The following BTBD10 variants were observed in gnomAD, a reference collection of about 807,000 sequenced individuals.
BTBD10 encodes BTB/POZ domain-containing protein 10.
Under a neutral mutation model 53.2 loss-of-function variants are expected in BTBD10, and 21 were observed. The observed-to-expected ratio is 0.39, with a 90% CI of 0.28 to 0.57. The LOEUF is 0.57. Among genes scored for constraint, BTBD10 ranks in the 20% least tolerant of loss-of-function variants. The probability of loss-of-function intolerance (pLI) is 0.53; values close to 1 mark genes in which losing one functional copy is unlikely to be tolerated. For missense variants in BTBD10, 360 were observed against 594.7 expected (o/e 0.61, Z 4.10); for synonymous variants, 149 against 192.7 (o/e 0.77, Z 1.88).
intron 2 of BTBD10, among the ~76,000 whole-genome samples, chr11:13,425,512 TAC>T (rs1950318567): frequency 6.6e-6 from 1 of 151,746 alleles, no homozygotes. Context: ...AACTGACACA[TAC>T]GTTAGAATGA....
intron 6 of BTBD10, among the ~76,000 whole-genome samples, chr11:13,406,633 GTGTGT>G (rs1430754202): frequency 6.7e-6 from 1 of 150,358 alleles, no homozygotes; most frequent in Non-Finnish European, 1.5e-5. Context: ...GTGTGTGTGT[GTGTGT>G]GTTTGTGTGT....
intron 1 of BTBD10, 29 bp from the exon 2 acceptor site, chr11:13,445,210 A>T: frequency 1.2e-6 from 1 of 846,626 alleles, no homozygotes; most frequent in East Asian, 2.5e-5. Context: ...TTGACCTTTA[A>T]ATCTATTCCA....
chr11:13,460,698 G>A (rs1363746565), intron 1 of BTBD10, among the ~76,000 whole-genome samples: 2 of 152,130 alleles, frequency 1.3e-5, no homozygotes, highest in Non-Finnish European at 2.9e-5. Context: ...TTTCCATCCT[G>A]TTGCCAAACC....
Position 13,426,958 on chromosome 11 carries a change from G to T in BTBD10, c.102-5120C>A, listed in dbSNP as rs181365755. ...AAACCATAAAAGGTGAAGATTATCA[G>T]ATTGGATATAAAAGCTAGATCCCCA... On this transcript the variant is annotated intron_variant, in intron 2 of 8. Coordinates refer to ENST00000278174, the MANE Select transcript of BTBD10 (RefSeq NM_032320.7). 5.3e-5 allele frequency among the ~76,000 whole-genome samples: 8 copies of T among 152,260 alleles called. No individual in the cohort carries two copies. The East Asian group carries it at 1.5e-3, about 29-fold the overall frequency.
chr11:13,419,407 G>T, intron 4 of BTBD10, 53 bp downstream of exon 4: 1 of 1,563,280 alleles, frequency 6.4e-7, no homozygotes. Flanking sequence ...AAAAAATAAT[G>T]GCAGTAAAAG....
At chr11:13,407,617 T>C (rs143077419) in intron 6 of BTBD10, among the ~76,000 whole-genome samples, 14 of 152,330 alleles carry the variant, frequency 9.2e-5, no homozygotes, top group African/African-American at 3.1e-4. Flanking sequence ...TTGAATTGTG[T>C]TATTTCCTTC....
chr11:13,450,956 T>C (rs1950845243), intron 1 of BTBD10, among the ~76,000 whole-genome samples: 1 of 152,210 alleles, frequency 6.6e-6, no homozygotes, highest in Non-Finnish European at 1.5e-5. Context: ...GAGTTCAGTT[T>C]GAAGTTTTTT....
At chr11:13,424,036 G>T in intron 2 of BTBD10, among the ~76,000 whole-genome samples, 1 of 152,092 alleles carries the variant, frequency 6.6e-6, no homozygotes. Flanking sequence ...ATTAGAGTAG[G>T]AATACTGGAA....
intron 1 of BTBD10, among the ~76,000 whole-genome samples, chr11:13,451,166 C>T (rs577008034): frequency 2.3e-4 from 35 of 152,136 alleles, no homozygotes; most frequent in African/African-American, 8.0e-4. Flanking sequence ...TACACATGTA[C>T]GGGAGGTAGG....
chr11:13,447,772 C>T (rs1006517653), intron 1 of BTBD10, among the ~76,000 whole-genome samples: 2 of 152,014 alleles, frequency 1.3e-5, no homozygotes, highest in African/African-American at 4.8e-5. Flanking sequence ...TTAGGTATTA[C>T]CACATGAAAG....
Position 13,456,772 on chromosome 11 carries a change from A to G in BTBD10, c.-58+6320T>C, listed in dbSNP as rs192332980. 3.3e-5 allele frequency among the ~76,000 whole-genome samples: 5 copies of G among 152,326 alleles called. No homozygotes were observed. The East Asian group carries it at 9.7e-4, about 29-fold the overall frequency. On this transcript the variant is annotated intron_variant, in intron 1 of 8. Coordinates refer to ENST00000278174, the MANE Select transcript of BTBD10 (RefSeq NM_032320.7). ...AAATATGTTCAACCTCACTCATAAA[A>G]GAAATGCAAATTAACACCTCCAATT...
At chr11:13,403,735 T>C (rs1254293529) in intron 7 of BTBD10, among the ~76,000 whole-genome samples, 3 of 152,186 alleles carry the variant, frequency 2.0e-5, no homozygotes, top group Non-Finnish European at 4.4e-5. Context: ...ATTTCATGGA[T>C]TGAGCAACTA....
chr11:13,449,101 TTC>T (rs1259867838), intron 1 of BTBD10, among the ~76,000 whole-genome samples: 1 of 152,264 alleles, frequency 6.6e-6, no homozygotes. Flanking sequence ...CTCTTGGACA[TTC>T]TGTCTAAACA....
Position 13,388,440 on chromosome 11 carries a change from A to G in BTBD10, c.*391T>C, listed in dbSNP as rs1949312046. The G allele has an allele frequency of 6.1e-6, 1 of 162,670 alleles. No homozygotes were observed. Among genetic ancestry groups the G allele is most frequent in the Non-Finnish European group, 1.4e-5 (1 of 73,872 alleles). The allele number at this position is 162,670 out of a possible 1,614,324, so 10.1% of individuals were successfully genotyped here. A position where few individuals can be genotyped will look rare whatever the true frequency, so the allele number is the denominator to read the frequency against. ...GCTTGAACATTTCCATTTAACCACC[A>G]TTTATAAAGTGCAACTATATATTAC... On this transcript the variant is annotated 3_prime_UTR_variant, in exon 9 of 9. Transcript: ENST00000278174.
chr11:13,425,687 A>G (rs1950323703), intron 2 of BTBD10, among the ~76,000 whole-genome samples: 2 of 152,198 alleles, frequency 1.3e-5, no homozygotes, highest in Non-Finnish European at 2.9e-5. Context: ...ATAGTTAACA[A>G]TAACTTATTA....
intron 8 of BTBD10, among the ~76,000 whole-genome samples, chr11:13,396,584 A>G (rs1415651246): frequency 6.6e-6 from 1 of 152,136 alleles, no homozygotes; most frequent in Non-Finnish European, 1.5e-5. Flanking sequence ...TATGGTGAAT[A>G]GTTGTGGTGA....
intron 8 of BTBD10, among the ~76,000 whole-genome samples, chr11:13,393,434 G>T (rs1949458059): frequency 3.9e-5 from 6 of 152,142 alleles, no homozygotes; most frequent in Admixed American, 3.3e-4. Flanking sequence ...CATAGAAATG[G>T]TGGGGGAGGA....
At chr11:13,418,991 T>A (rs1027699228) in intron 4 of BTBD10, among the ~76,000 whole-genome samples, 25 of 142,134 alleles carry the variant, frequency 1.8e-4, no homozygotes, top group African/African-American at 3.1e-4. Flanking sequence ...TTTTTTTTTT[T>A]AAAAGTATCT....
intron 8 of BTBD10, among the ~76,000 whole-genome samples, chr11:13,399,484 T>A (rs11022797): frequency 0.15 from 22,845 of 152,192 alleles, 1,978 homozygotes; most frequent in Admixed American, 0.24. Flanking sequence ...TCTTTGCCAT[T>A]GGATTGAACT....
Sources: allele counts gnomAD v4.1 joint callset (sites outside exome capture counted in the v4.1 genomes callset), GRCh38; gene constraint gnomAD v4.1.1; transcripts MANE v1.5; gene names NCBI Gene and HGNC (gene_info 2026-07-23, HGNC 2026-07-21).